The following GLG1 variants were observed in gnomAD, a reference collection of about 807,000 sequenced individuals.
GLG1 encodes the protein Golgi apparatus protein 1.
GLG1 carries 38 observed loss-of-function variants against 160.5 expected under a neutral mutation model. The ratio of observed to expected loss-of-function variants is 0.24; its 90% confidence interval spans 0.18 to 0.31. The LOEUF (loss-of-function observed/expected upper bound fraction) is 0.31, where lower values mean the gene tolerates loss of function less well. GLG1 is among the 10% of genes least tolerant of loss of function. The probability of loss-of-function intolerance (pLI) is 1.00; values close to 1 mark genes in which losing one functional copy is unlikely to be tolerated. For synonymous variants in GLG1, 644 were observed against 543.4 expected, an observed-to-expected ratio of 1.19 and a Z score of -2.57; for missense variants, 1,373 against 1,505.2, an observed-to-expected ratio of 0.91 and a Z score of 1.45.
intron 2 of GLG1, among the ~76,000 whole-genome samples, chr16:74,521,392 C>G (rs2017158177): frequency 6.6e-6 from 1 of 152,130 alleles, no homozygotes; most frequent in Non-Finnish European, 1.5e-5. Context: ...AGGAGGCCAA[C>G]ACAGAAGTCC....
At chr16:74,540,073 ATATATATTTTATATATATAT>A (rs2017808889) in intron 1 of GLG1, among the ~76,000 whole-genome samples, 1 of 882 alleles carries the variant, frequency 1.1e-3, no homozygotes, top group South Asian at 0.1. Flanking sequence ...TATATATATT[ATATATATTTTATATATATAT>A]TATATATATT....
intron 23 of GLG1, among the ~76,000 whole-genome samples, chr16:74,459,324 G>A (rs1184522959): frequency 6.6e-6 from 1 of 152,050 alleles, no homozygotes; most frequent in Non-Finnish European, 1.5e-5. Flanking sequence ...TAAAAATACA[G>A]AAAATTAGTC....
chr16:74,587,763 G>C (rs1270955087), intron 1 of GLG1, among the ~76,000 whole-genome samples: 1 of 152,174 alleles, frequency 6.6e-6, no homozygotes, highest in African/African-American at 2.4e-5. Flanking sequence ...GGCTGAGGCA[G>C]GAGAATCACT....
intron 2 of GLG1, among the ~76,000 whole-genome samples, chr16:74,512,859 G>GT (rs2016858653): frequency 6.6e-6 from 1 of 152,136 alleles, no homozygotes; most frequent in Admixed American, 6.5e-5. Flanking sequence ...TTGGTGAGTG[G>GT]TAAGAGGAGG....
chr16:74,607,075 A>G lies in GLG1; in HGVS notation c.20T>C (p.Val7Ala), dbSNP rs1232965686. 5.8e-6 allele frequency: 9 copies of G among 1,556,716 alleles called. No individual in the cohort carries two copies. Among genetic ancestry groups the G allele is most frequent in the Non-Finnish European group, 7.8e-6 (9 of 1,151,382 alleles). MAACGRVRRMFRLSAAL... is the reference protein window; with the variant it reads MAACGRARRMFRLSAAL... ...CGCCGACAAGCGGAACATCCTCCGT[A>G]CACGTCCACACGCCGCCATCTTGAG... The change falls in exon 1 of 26, where the codon GTA (valine) becomes GCA (alanine). Residue 7 changes from valine (V) to alanine (A), a missense_variant. Val to Ala is a moderately conservative substitution (Grantham distance 64, BLOSUM62 0). Around this residue, in one of 4 missense-constraint regions of GLG1, gnomAD observed 322 missense variants for 254.6 expected, o/e 1.26. Transcript: ENST00000422840.
chr16:74,512,198 A>C (rs1597290308), intron 2 of GLG1, among the ~76,000 whole-genome samples: 1 of 129,030 alleles, frequency 7.8e-6, no homozygotes, highest in African/African-American at 2.8e-5. Context: ...TTGCTCTGTC[A>C]CCCAGGCTGA....
intron 1 of GLG1, among the ~76,000 whole-genome samples, chr16:74,579,704 A>C (rs528943376): frequency 6.6e-6 from 1 of 151,810 alleles, no homozygotes; most frequent in Non-Finnish European, 1.5e-5. Flanking sequence ...CATGGGTGAC[A>C]GCAAGACTCA....
rs754994262 is a variant in GLG1, at chr16:74,471,218, C to G, written c.2184G>C (p.Lys728Asn). The change falls in exon 15 of 26, where the codon AAG (lysine) becomes AAC (asparagine). Residue 728 changes from lysine (K) to asparagine (N), a missense_variant. Lys to Asn is a moderately conservative substitution (Grantham distance 94). Around this residue, in one of 4 missense-constraint regions of GLG1, gnomAD observed 491 missense variants for 632.1 expected, o/e 0.78. Coordinates refer to ENST00000422840, the MANE Select transcript of GLG1 (RefSeq NM_001145667.2). ...MECLIQNKHQKDMNEKCAIGV... is the reference protein window; with the variant it reads ...MECLIQNKHQNDMNEKCAIGV... ...CGATGGCACACTTCTCGTTCATGTC[C>G]TTCTGGTGTTTGTTCTGTATCAGAC... 9 of 1,613,126 alleles carry G rather than the reference C, an allele frequency of 5.6e-6. No homozygotes were observed. Among genetic ancestry groups the G allele is most frequent in the African/African-American group, 1.3e-5 (1 of 75,022 alleles).
In GLG1 at chr16:74,453,260, A is replaced by G. The variant is rs2014397312; in HGVS notation, c.3447T>C (p.Ser1149=). The change falls in exon 26 of 26, where the codon TCT becomes TCC. Residue 1149 remains serine (S), a synonymous_variant. Coordinates refer to ENST00000422840, the MANE Select transcript of GLG1 (RefSeq NM_001145667.2). ...MTSPSKNYIL[S]VISGSICILF... Reference sequence around the variant, plus strand: ...ATATACAGATGCTCCCACTGATCACAGAGAGAATGTAGTTCTTAGATGGAG... The same window carrying G: ...ATATACAGATGCTCCCACTGATCACGGAGAGAATGTAGTTCTTAGATGGAG... The G allele has an allele frequency of 6.2e-7, 1 of 1,613,628 alleles. No homozygotes were observed. The highest frequency in any genetic ancestry group is 1.3e-5 in the African/African-American group (1 of 74,916).
rs564063020 is a variant in GLG1 at position 74,554,740 on chromosome 16, T to C, written c.439-22587A>G. Reference sequence around the variant, plus strand: ...TTTTGGTGGATATATCTAATTAATATTCATTTCCTCAACTTGCAAAGCAAA... The same window carrying C: ...TTTTGGTGGATATATCTAATTAATACTCATTTCCTCAACTTGCAAAGCAAA... On this transcript the variant is annotated intron_variant, in intron 1 of 25. Coordinates refer to ENST00000422840, the MANE Select transcript of GLG1 (RefSeq NM_001145667.2). Among the ~76,000 whole-genome samples the C allele has an allele frequency of 3.3e-5, 5 of 152,310 alleles. No homozygotes were observed. In the East Asian group the frequency reaches 7.7e-4, roughly 24 times the overall value.
At chr16:74,548,337 C>T (rs1285197994) in intron 1 of GLG1, among the ~76,000 whole-genome samples, 1 of 152,150 alleles carries the variant, frequency 6.6e-6, no homozygotes, top group East Asian at 1.9e-4. Context: ...AAATTCTTCC[C>T]GAAAATATCT....
At chr16:74,465,109 G>A (rs899678014) in intron 19 of GLG1, among the ~76,000 whole-genome samples, 2 of 152,168 alleles carry the variant, frequency 1.3e-5, no homozygotes, top group African/African-American at 4.8e-5. Context: ...AAAGTGCTGG[G>A]ATTACAGGCG....
At chr16:74,456,053 G>T (rs1438845721) in intron 25 of GLG1, among the ~76,000 whole-genome samples, 1 of 152,140 alleles carries the variant, frequency 6.6e-6, no homozygotes, top group Non-Finnish European at 1.5e-5. Flanking sequence ...TCTTCTCCAT[G>T]TTCCAGACCA....
intron 4 of GLG1, among the ~76,000 whole-genome samples, chr16:74,503,109 AG>A (rs1209751373): frequency 1.3e-5 from 2 of 151,950 alleles, no homozygotes; most frequent in African/African-American, 4.8e-5. Flanking sequence ...CAGGAGGCTG[AG>A]GCAGGAGAAT....
intron 2 of GLG1, among the ~76,000 whole-genome samples, chr16:74,514,069 C>G (rs538388516): frequency 6.6e-6 from 1 of 151,810 alleles, no homozygotes; most frequent in East Asian, 1.9e-4. Flanking sequence ...TGAAATAAAG[C>G]CAGAAGACAA....
chr16:74,575,503 G>C (rs977056610), intron 1 of GLG1, among the ~76,000 whole-genome samples: 10 of 152,198 alleles, frequency 6.6e-5, no homozygotes, highest in African/African-American at 2.4e-4. Context: ...GAGGACTTTT[G>C]CTGGAAGCTA....
chr16:74,495,927 T>C (rs1240379111), intron 5 of GLG1, among the ~76,000 whole-genome samples: 3 of 152,200 alleles, frequency 2.0e-5, no homozygotes, highest in Non-Finnish European at 4.4e-5. Context: ...GTGGCTTTTC[T>C]ACATGTGAGG....
intron 2 of GLG1, among the ~76,000 whole-genome samples, chr16:74,521,433 G>A (rs1339744837): frequency 1.3e-5 from 2 of 152,130 alleles, no homozygotes; most frequent in African/African-American, 2.4e-5. Flanking sequence ...TTGTATCAGG[G>A]CAATAGCAGT....
At chr16:74,551,702 G>C (rs2018204122) in intron 1 of GLG1, among the ~76,000 whole-genome samples, 1 of 151,544 alleles carries the variant, frequency 6.6e-6, no homozygotes, top group African/African-American at 2.4e-5. Context: ...TATGGGGGGA[G>C]GGGGACCTGC....
Sources: allele counts gnomAD v4.1 joint callset (sites outside exome capture counted in the v4.1 genomes callset), GRCh38; gene constraint gnomAD v4.1.1; regional missense constraint gnomAD v4.1.1; transcripts MANE v1.5; gene names NCBI Gene and HGNC (gene_info 2026-07-23, HGNC 2026-07-21).